The following FOXK1 variants were observed in gnomAD, a reference collection of about 807,000 sequenced individuals.
FOXK1 encodes the protein forkhead box K1, also known as forkhead box protein K1.
In FOXK1, 19 loss-of-function variants were observed where a neutral mutation model predicts 51.9. The observed-to-expected ratio is 0.37, with a 90% CI of 0.26 to 0.54. The LOEUF is 0.54. Ranked by LOEUF, FOXK1 falls within the 20% of genes least tolerant of loss-of-function variation. The pLI is 0.87. For missense variants in FOXK1, 870 were observed against 1,032.7 expected (o/e 0.84, Z 2.16); for synonymous variants, 537 against 482.6 (o/e 1.11, Z -1.48).
chr7:4,705,542 TCTCTCTCTCTCTCTCTCG>T (rs1583186980), intron 1 of FOXK1, among the ~76,000 whole-genome samples: 1 of 147,490 alleles, frequency 6.8e-6, no homozygotes, highest in Non-Finnish European at 1.5e-5. Context: ...TCTCTCTCTC[TCTCTCTCTCTCTCTCTCG>T]CTCTCGCTCT....
chr7:4,719,516 CCAT>C (rs1780281938), intron 1 of FOXK1, among the ~76,000 whole-genome samples: 1 of 151,498 alleles, frequency 6.6e-6, no homozygotes, highest in Admixed American at 6.6e-5. Flanking sequence ...GAATCTCACT[CCAT>C]CACCCAGGCT....
At chr7:4,741,149 A>G in intron 2 of FOXK1, 126 bp downstream of exon 2, 1 of 653,180 alleles carries the variant, frequency 1.5e-6, no homozygotes, top group Non-Finnish European at 2.4e-6. Context: ...AAATACAGAA[A>G]GTGTTGTACG....
chr7:4,754,147 G>A (rs1004405102), intron 2 of FOXK1, among the ~76,000 whole-genome samples: 1 of 152,170 alleles, frequency 6.6e-6, no homozygotes, highest in East Asian at 1.9e-4. Context: ...TGTGTGGGGG[G>A]ACCTGAGGAG....
In FOXK1 at chr7:4,727,263, T is replaced by C. The variant is rs113492442; in HGVS notation, c.561-13575T>C. Among the ~76,000 whole-genome samples the C allele has an allele frequency of 3.4e-3, 515 of 152,326 alleles. 3 individuals carry two copies. Among genetic ancestry groups the C allele is most frequent in the African/African-American group, 0.012 (480 of 41,558 alleles). On this transcript the variant is annotated intron_variant, in intron 1 of 8. Coordinates refer to ENST00000328914, the MANE Select transcript of FOXK1 (RefSeq NM_001037165.2). ...CACTGCTCCCAGCCTATTATTATTA[T>C]AGAATTTCATGTTAAGGTTTGCAGG... is the stretch of plus-strand genomic sequence containing the variant.
Position 4,731,027 on chromosome 7 carries a change from A to G in FOXK1, c.561-9811A>G, listed in dbSNP as rs1011548504. Among the ~76,000 whole-genome samples the G allele has an allele frequency of 1.3e-5, 2 of 151,996 alleles. No individual in the cohort carries two copies. Among genetic ancestry groups the G allele is most frequent in the Non-Finnish European group, 2.9e-5 (2 of 67,980 alleles). On this transcript the variant is annotated intron_variant, in intron 1 of 8. Transcript: ENST00000328914. The surrounding 1 kb of genome is among the most constrained non-coding windows in gnomAD (Gnocchi z 5.3). ...ACAAAAAATCAAAACCATTTGCTGA[A>G]CAGTCTTATTTCTCGGAGGAGTTTA...
At position 4,764,687 on chromosome 7, in the gene FOXK1, G is replaced by C. The variant is rs189736283; in HGVS notation, c.*2223G>C. 6.6e-6 allele frequency: 1 copy of C among 152,562 alleles called. No homozygotes were observed. The highest frequency in any genetic ancestry group is 1.5e-5 in the Non-Finnish European group (1 of 68,214). 9.5% of individuals were successfully genotyped at this position (152,562 alleles called of 1,614,324 possible). A position where few individuals can be genotyped will look rare whatever the true frequency, so the allele number is the denominator to read the frequency against. ...ACCTGCTGCTGCTCTCTCCCGCGTG[G>C]TGACTATATGTCCTCAGGGCTGCCT... On this transcript the variant is annotated 3_prime_UTR_variant, in exon 9 of 9. Transcript: ENST00000328914.
chr7:4,688,228 A>G (rs572345046), intron 1 of FOXK1, among the ~76,000 whole-genome samples: 1 of 148,868 alleles, frequency 6.7e-6, no homozygotes, highest in South Asian at 2.1e-4. Context: ...CTTTGTCTAT[A>G]AATATTTCAA....
chr7:4,742,361 C>T (rs563924472), intron 2 of FOXK1, among the ~76,000 whole-genome samples: 2 of 152,142 alleles, frequency 1.3e-5, no homozygotes, highest in Admixed American at 6.5e-5. Flanking sequence ...GAACCCCGGC[C>T]GCACCTTGGC....
chr7:4,726,169 T>C (rs532448913), intron 1 of FOXK1, among the ~76,000 whole-genome samples: 22 of 152,270 alleles, frequency 1.4e-4, no homozygotes, highest in African/African-American at 5.1e-4. Flanking sequence ...TGGATAGGAA[T>C]GTCTATGCAG....
chr7:4,724,296 G>A (rs983245804), intron 1 of FOXK1, among the ~76,000 whole-genome samples: 34 of 152,076 alleles, frequency 2.2e-4, no homozygotes, highest in African/African-American at 2.2e-4. Flanking sequence ...CCCGGGTTCC[G>A]GAGATTCTCC....
intron 2 of FOXK1, among the ~76,000 whole-genome samples, chr7:4,751,466 C>T (rs1408998015): frequency 6.6e-6 from 1 of 152,198 alleles, no homozygotes; most frequent in Non-Finnish European, 1.5e-5. Context: ...GGTGTCCCAT[C>T]CCACCCTGGC....
rs527601540 is a variant in FOXK1, at chr7:4,723,445, A to G, written c.561-17393A>G. ...AATTTGCCTTCTTCCTTCAGGGACC[A>G]TCTTGGAATAATCTTGCTCAGCTGA... On this transcript the variant is annotated intron_variant, in intron 1 of 8. Transcript: ENST00000328914. The surrounding 1 kb of genome is among the most constrained non-coding windows in gnomAD (Gnocchi z 4.7). 6.6e-6 allele frequency among the ~76,000 whole-genome samples: 1 copy of G among 151,836 alleles called. No homozygotes were observed. Among genetic ancestry groups the G allele is most frequent in the African/African-American group, 2.4e-5 (1 of 41,384 alleles).
intron 1 of FOXK1, among the ~76,000 whole-genome samples, chr7:4,737,930 C>G (rs377407206): frequency 6.6e-6 from 1 of 152,080 alleles, no homozygotes; most frequent in African/African-American, 2.4e-5. Flanking sequence ...CCAGACCAGC[C>G]TGACCAACAT....
At chr7:4,726,684 G>A (rs1274420929) in intron 1 of FOXK1, among the ~76,000 whole-genome samples, 1 of 151,850 alleles carries the variant, frequency 6.6e-6, no homozygotes, top group African/African-American at 2.4e-5. Context: ...GACAGCGGGA[G>A]CTCACTCCTG....
chr7:4,706,359 C>T (rs1050801015), intron 1 of FOXK1, among the ~76,000 whole-genome samples: 23 of 151,514 alleles, frequency 1.5e-4, no homozygotes, highest in African/African-American at 5.1e-4. Context: ...TGCTCTGGCA[C>T]CCTAAGTTAG....
At chr7:4,712,519 T>G (rs1267490621) in intron 1 of FOXK1, among the ~76,000 whole-genome samples, 1 of 152,174 alleles carries the variant, frequency 6.6e-6, no homozygotes, top group Non-Finnish European at 1.5e-5. Context: ...CAGAGGCAGC[T>G]GAACCCATTT....
In FOXK1 at chr7:4,747,832, T is replaced by C. The variant is rs1780725261; in HGVS notation, c.747-6627T>C. Among the ~76,000 whole-genome samples, 1 of 151,906 alleles carries C rather than the reference T, an allele frequency of 6.6e-6. No individual in the cohort carries two copies. The highest frequency in any genetic ancestry group is 1.5e-5 in the Non-Finnish European group (1 of 67,994). ...AGCCTGGGCCTGTTTTTGTTGTGGT[T>C]GTTGTTGCCTTTGTTGTTTTTGTTT... On this transcript the variant is annotated intron_variant, in intron 2 of 8. Transcript: ENST00000328914. The surrounding 1 kb of genome is among the most constrained non-coding windows in gnomAD (Gnocchi z 9.2).
rs1781030331 is a variant in FOXK1 at position 4,767,468 on chromosome 7, A to T, written c.*5004A>T. ...CAGCCTCGCCTCGAGCCTCCTTGAC[A>T]ATACCGCTGCTTCAAAGCAATATTA... On this transcript the variant is annotated 3_prime_UTR_variant, in exon 9 of 9. Transcript: ENST00000328914. This position sits in a 1 kb window ranked among gnomAD's most constrained non-coding sequence, Gnocchi z 6.6. The T allele has an allele frequency of 2.0e-5, 3 of 152,200 alleles. No homozygotes were observed. In the South Asian group the frequency reaches 6.2e-4, roughly 31 times the overall value. 9.4% of individuals were successfully genotyped at this position (152,200 alleles called of 1,614,324 possible).
In FOXK1 at chr7:4,769,347, G is replaced by C. The variant is rs1781062617; in HGVS notation, c.*6883G>C. ...CGCCCCCATCCCGCTTCAGGCCCCA[G>C]TGACCCAGTTGCGTCTTAAGTTCCA... On this transcript the variant is annotated 3_prime_UTR_variant, in exon 9 of 9. Coordinates refer to ENST00000328914, the MANE Select transcript of FOXK1 (RefSeq NM_001037165.2). This position sits in a 1 kb window ranked among gnomAD's most constrained non-coding sequence, Gnocchi z 4.1. 6.6e-6 allele frequency: 1 copy of C among 152,202 alleles called. No individual in the cohort carries two copies. The highest frequency in any genetic ancestry group is 1.9e-4 in the East Asian group (1 of 5,196). 9.4% of individuals were successfully genotyped at this position (152,202 alleles called of 1,614,324 possible). A position where few individuals can be genotyped will look rare whatever the true frequency, so the allele number is the denominator to read the frequency against.
Sources: allele counts gnomAD v4.1 joint callset (sites outside exome capture counted in the v4.1 genomes callset), GRCh38; gene constraint gnomAD v4.1.1; non-coding constraint Gnocchi (gnomAD v3.1); transcripts MANE v1.5; gene names NCBI Gene and HGNC (gene_info 2026-07-23, HGNC 2026-07-21).